Variants in HSD17B12 observed in about 807,000 individuals in gnomAD.
The protein encoded by HSD17B12 is hydroxysteroid 17-beta dehydrogenase 12.
HSD17B12 carries 32 observed loss-of-function variants against 39.3 expected under a neutral mutation model. That is an observed-to-expected ratio of 0.81 (90% confidence interval 0.61 to 1.09). The LOEUF is 1.09. Ranked by LOEUF, HSD17B12 falls within the 50% of genes least tolerant of loss-of-function variation. The pLI, the probability that HSD17B12 is intolerant of heterozygous loss-of-function variation, is 0.00. For missense variants in HSD17B12, 342 were observed against 382.9 expected (o/e 0.89, Z 0.89); for synonymous variants, 150 against 146.7 (o/e 1.02, Z -0.16).
the HSD17B12 span, among the ~76,000 whole-genome samples, chr11:43,575,718 C>T: frequency 6.6e-6 from 1 of 152,240 alleles, no homozygotes; most frequent in East Asian, 1.9e-4. This position sits in a 1 kb window ranked among gnomAD's most constrained non-coding sequence, Gnocchi z 4.1. Context: ...AGAGGAGAAT[C>T]TGCACGTGAC....
intron 4 of HSD17B12, among the ~76,000 whole-genome samples, chr11:43,805,361 T>C (rs977754956): frequency 1.3e-5 from 2 of 152,142 alleles, no homozygotes; most frequent in Non-Finnish European, 2.9e-5. Context: ...TTTTAGTTAG[T>C]GAAAGACATG....
intron 1 of HSD17B12, among the ~76,000 whole-genome samples, chr11:43,714,680 T>A (rs1266474726): frequency 6.6e-6 from 1 of 152,208 alleles, no homozygotes; most frequent in East Asian, 1.9e-4. Context: ...GGTAGCTTGA[T>A]GGGGATGGCA....
chr11:43,660,796 G>A, the HSD17B12 span, among the ~76,000 whole-genome samples: 2 of 152,186 alleles, frequency 1.3e-5, no homozygotes, highest in Non-Finnish European at 1.5e-5. Context: ...CAGCTGAAGA[G>A]TGGCTAACAA....
chr11:43,612,570 T>A, the HSD17B12 span, among the ~76,000 whole-genome samples: 9 of 152,088 alleles, frequency 5.9e-5, no homozygotes, highest in African/African-American at 1.4e-4. Flanking sequence ...GAGACAACCA[T>A]GAACAAGAGA....
chr11:43,708,489 C>G (rs1950035691), intron 1 of HSD17B12, among the ~76,000 whole-genome samples: 1 of 152,102 alleles, frequency 6.6e-6, no homozygotes, highest in Non-Finnish European at 1.5e-5. Context: ...ATTGCATCCC[C>G]CATTGGATCA....
At chr11:43,807,018 T>TCACTGTTAG (rs1260540349) in intron 4 of HSD17B12, among the ~76,000 whole-genome samples, 2 of 152,044 alleles carry the variant, frequency 1.3e-5, no homozygotes, top group African/African-American at 4.8e-5. Flanking sequence ...GACACTGTTA[T>TCACTGTTAG]CAGGAAATTC....
intron 6 of HSD17B12, among the ~76,000 whole-genome samples, chr11:43,828,911 G>A (rs569637868): frequency 5.3e-5 from 8 of 152,250 alleles, no homozygotes; most frequent in African/African-American, 1.4e-4. Context: ...TTAACGATTT[G>A]TATATACATA....
chr11:43,596,091 A>C, the HSD17B12 span, among the ~76,000 whole-genome samples: 25 of 152,258 alleles, frequency 1.6e-4, no homozygotes, highest in African/African-American at 5.8e-4. Context: ...AGGTCTCACT[A>C]TGCTGGCCAG....
intron 9 of HSD17B12, 132 bp downstream of exon 9, chr11:43,840,196 A>G (rs2135129198): frequency 3.0e-6 from 2 of 675,240 alleles, no homozygotes; most frequent in Middle Eastern, 2.5e-4. Context: ...ACCATTAAAA[A>G]CGTGGTTTCT....
chr11:43,667,481 C>T, the HSD17B12 span, among the ~76,000 whole-genome samples: 4 of 152,166 alleles, frequency 2.6e-5, no homozygotes, highest in Admixed American at 6.5e-5. Context: ...TTGCTCCTTG[C>T]AACTAACTTT....
At position 43,854,930 on chromosome 11, in the gene HSD17B12, C is replaced by T. The variant is rs934217224; in HGVS notation, c.834+66C>T. The T allele has an allele frequency of 1.9e-4, 289 of 1,517,156 alleles. 2 individuals carry two copies. The highest frequency in any genetic ancestry group is 1.7e-4 in the Middle Eastern group (1 of 5,842). The allele number at this position is 1,517,156 out of a possible 1,614,324, so 94.0% of individuals were successfully genotyped here. ...TTGGGGTTTCTTTCCCATTGAGTTACAGGATAGTATGTAATAGATTAGCAC... is the reference window on the plus strand; with the variant it reads ...TTGGGGTTTCTTTCCCATTGAGTTATAGGATAGTATGTAATAGATTAGCAC... On this transcript the variant is annotated intron_variant, in intron 10 of 10. Coordinates refer to ENST00000278353, the MANE Select transcript of HSD17B12 (RefSeq NM_016142.3).
chr11:43,849,994 G>A, intron 9 of HSD17B12, among the ~76,000 whole-genome samples: 1 of 152,194 alleles, frequency 6.6e-6, no homozygotes, highest in South Asian at 2.1e-4. Context: ...AAGATTATCA[G>A]CCAACATTTA....
intron 1 of HSD17B12, among the ~76,000 whole-genome samples, chr11:43,748,418 C>T (rs533096128): frequency 6.2e-4 from 94 of 152,140 alleles, no homozygotes; most frequent in African/African-American, 2.0e-3. Flanking sequence ...ACTGAGCACA[C>T]GTGGAAATAA....
the HSD17B12 span, among the ~76,000 whole-genome samples, chr11:43,590,809 T>A: frequency 4.2e-5 from 1 of 23,774 alleles, no homozygotes; most frequent in Non-Finnish European, 1.0e-4. Context: ...CAGCTCGACT[T>A]TTTTTTTTTT....
chr11:43,850,771 C>G (rs1273026137), intron 9 of HSD17B12, among the ~76,000 whole-genome samples: 1 of 152,170 alleles, frequency 6.6e-6, no homozygotes, highest in African/African-American at 2.4e-5. Context: ...AAAAAGATAC[C>G]AAGTTGTCGG....
At chr11:43,850,703 C>T (rs577145792) in intron 9 of HSD17B12, among the ~76,000 whole-genome samples, 1 of 152,216 alleles carries the variant, frequency 6.6e-6, no homozygotes, top group African/African-American at 2.4e-5. Flanking sequence ...CTGAATCAAG[C>T]CCCCTGAATT....
chr11:43,713,302 C>T (rs1250507134), intron 1 of HSD17B12, among the ~76,000 whole-genome samples: 1 of 128,152 alleles, frequency 7.8e-6, no homozygotes, highest in Non-Finnish European at 1.6e-5. Flanking sequence ...CAACAGGCCC[C>T]AGTGTGTGAT....
At position 43,740,267 on chromosome 11, in the gene HSD17B12, C is replaced by T. The variant is rs117501843; in HGVS notation, c.161-10644C>T. ...CAAGTCCTTGTGTTTGGGATGATAG[C>T]GTAGATTGGGGTAGTAGTTGTGAGA... On this transcript the variant is annotated intron_variant, in intron 1 of 10. Transcript: ENST00000278353. 5.1e-3 allele frequency among the ~76,000 whole-genome samples: 778 copies of T among 152,052 alleles called. 8 individuals are homozygous for T. Among genetic ancestry groups the T allele is most frequent in the East Asian group, 0.047 (242 of 5,176 alleles).
the HSD17B12 span, among the ~76,000 whole-genome samples, chr11:43,586,005 T>A: frequency 1.3e-5 from 2 of 152,220 alleles, no homozygotes; most frequent in Non-Finnish European, 2.9e-5. Context: ...AATCTCTTCA[T>A]TTTATAAATC....
Sources: allele counts gnomAD v4.1 joint callset (sites outside exome capture counted in the v4.1 genomes callset), GRCh38; gene constraint gnomAD v4.1.1; non-coding constraint Gnocchi (gnomAD v3.1); transcripts MANE v1.5; gene names NCBI Gene and HGNC (gene_info 2026-07-23, HGNC 2026-07-21).